The following DNAH10 variants were observed in gnomAD, a reference collection of about 807,000 sequenced individuals.
DNAH10 encodes the protein dynein axonemal heavy chain 10.
In DNAH10, 348 loss-of-function variants were observed where a neutral mutation model predicts 506.6. The observed-to-expected ratio is 0.69, with a 90% CI of 0.63 to 0.75. The LOEUF is 0.75. Ranked by LOEUF, DNAH10 falls within the 30% of genes least tolerant of loss-of-function variation. The pLI, the probability that DNAH10 is intolerant of heterozygous loss-of-function variation, is 0.00. For synonymous variants in DNAH10, 2,059 were observed against 2,198.6 expected, an observed-to-expected ratio of 0.94 and a Z score of 1.78; for missense variants, 5,179 against 5,787.1, an observed-to-expected ratio of 0.89 and a Z score of 3.41.
At chr12:123,860,035 A>T (rs1322658795) in intron 38 of DNAH10, among the ~76,000 whole-genome samples, 2 of 151,756 alleles carry the variant, frequency 1.3e-5, no homozygotes, top group Non-Finnish European at 2.9e-5. Flanking sequence ...CTCTCTAAAA[A>T]AAAAAAAAAA....
In DNAH10 at chr12:123,872,083, A is replaced by T. The variant is rs572880983; in HGVS notation, c.7785+481A>T. Among the ~76,000 whole-genome samples the T allele has an allele frequency of 1.6e-4, 24 of 152,300 alleles. No individual in the cohort carries two copies. The South Asian group carries it at 2.1e-3, about 13-fold the overall frequency. ...GAGGGACCTGCACCAGGGCATGGAC[A>T]CCTGGAGGTGAGTATGATCTGGGGC... is the stretch of plus-strand genomic sequence containing the variant. On this transcript the variant is annotated intron_variant, in intron 45 of 78. Transcript: ENST00000673944.
intron 24 of DNAH10, among the ~76,000 whole-genome samples, chr12:123,826,145 T>G (rs1346794085): frequency 6.6e-6 from 1 of 151,962 alleles, no homozygotes; most frequent in East Asian, 1.9e-4. Flanking sequence ...AATAATAATT[T>G]TTACATTAAA....
In DNAH10 at chr12:123,921,691, G is replaced by GT. The variant is rs35553163; in HGVS notation, c.11507-2032dup. Among the ~76,000 whole-genome samples, 60 of 62,882 alleles carry GT rather than the reference G, an allele frequency of 9.5e-4. 11 individuals carry two copies. Among genetic ancestry groups the GT allele is most frequent in the African/African-American group, 2.4e-3 (39 of 16,498 alleles). The allele number at this position is 62,882 out of a possible 152,430, so 41.3% of individuals were successfully genotyped here. On this transcript the variant is annotated intron_variant, in intron 65 of 78. Coordinates refer to ENST00000673944, the MANE Select transcript of DNAH10 (RefSeq NM_001372106.1). ...CTTGTCCATCTGTCTGTAGCTTGCA[G>GT]TTTTTTTTTTTTTTTTTTTTTTTTT... is the stretch of plus-strand genomic sequence containing the variant.
rs769928540 is a variant in DNAH10, at chr12:123,913,814, C to T, written c.10352+499C>T. Reference sequence around the variant, plus strand: ...ACCAAATAGGGCAACAATTTTGAATCTAGCATCTGTAAGTGTGGTGTAGAA... The same window carrying T: ...ACCAAATAGGGCAACAATTTTGAATTTAGCATCTGTAAGTGTGGTGTAGAA... On this transcript the variant is annotated intron_variant, in intron 60 of 78. Transcript: ENST00000673944. The surrounding 1 kb of genome is among the most constrained non-coding windows in gnomAD (Gnocchi z 5.1). Among the ~76,000 whole-genome samples, 1 of 152,220 alleles carries T rather than the reference C, an allele frequency of 6.6e-6. No individual in the cohort carries two copies. The highest frequency in any genetic ancestry group is 1.5e-5 in the Non-Finnish European group (1 of 68,046).
At position 123,813,588 on chromosome 12, in the gene DNAH10, T is replaced by C. The variant is rs1959027866; in HGVS notation, c.3569T>C (p.Leu1190Pro). ...TCCTGGGTGATTTCGCTTGGAAAAC[T>C]TCTCAATGAGTCAGCAAAAGAGGAG... ...AKSWVISLGKLLNESAKEELY... is the reference protein window; with the variant it reads ...AKSWVISLGKPLNESAKEELY... Residue 1190 changes from leucine (L) to proline (P), a missense_variant, in exon 20 of 79, where the codon CTT becomes CCT. This residue lies in a region of DNAH10 where 4,844 missense variants were observed against 5,430.5 expected (regional missense o/e 0.89). Coordinates refer to ENST00000673944, the MANE Select transcript of DNAH10 (RefSeq NM_001372106.1). 2 of 1,614,216 alleles carry C rather than the reference T, an allele frequency of 1.2e-6. No individual in the cohort carries two copies. The highest frequency in any genetic ancestry group is 2.7e-5 in the African/African-American group (2 of 75,060).
intron 37 of DNAH10, among the ~76,000 whole-genome samples, chr12:123,857,733 TA>T (rs1277364436): frequency 6.6e-6 from 1 of 152,004 alleles, no homozygotes; most frequent in Non-Finnish European, 1.5e-5. Context: ...TCTCAAAAAA[TA>T]AAAGAAAAAA....
chr12:123,930,389 C>T lies in DNAH10; in HGVS notation c.12613-13C>T. On this transcript the variant is annotated splice_polypyrimidine_tract_variant and intron_variant, in intron 72 of 78. Coordinates refer to ENST00000673944, the MANE Select transcript of DNAH10 (RefSeq NM_001372106.1). ...CTGAGCTCCTGGCTGGCTCTCAGGC[C>T]CTCTAATTTCAGGTCATGTATGGAG... 2 of 1,533,942 alleles carry T rather than the reference C, an allele frequency of 1.3e-6. No individual in the cohort carries two copies. The highest frequency in any genetic ancestry group is 8.7e-7 in the Non-Finnish European group (1 of 1,145,984).
chr12:123,901,904 A>G (rs576817929), intron 56 of DNAH10, among the ~76,000 whole-genome samples: 1 of 152,162 alleles, frequency 6.6e-6, no homozygotes, highest in African/African-American at 2.4e-5. Context: ...TAGGTGATCT[A>G]CCTGCCTCGG....
chr12:123,896,148 C>CACAGAGAG (rs1383690518), intron 54 of DNAH10, among the ~76,000 whole-genome samples: 5 of 95,316 alleles, frequency 5.2e-5, no homozygotes, highest in Middle Eastern at 5.4e-3. Context: ...CACACACACA[C>CACAGAGAG]AGAGAGAGAG....
intron 35 of DNAH10, among the ~76,000 whole-genome samples, chr12:123,851,507 A>G (rs1057029035): frequency 6.6e-6 from 1 of 152,152 alleles, no homozygotes; most frequent in Non-Finnish European, 1.5e-5. Flanking sequence ...GGAATAATGT[A>G]AGATGCACAA....
In DNAH10 at chr12:123,887,322, A is replaced by C. The variant is rs1303907283; in HGVS notation, c.8995+9A>C. On this transcript the variant is annotated intron_variant, in intron 52 of 78. Coordinates refer to ENST00000673944, the MANE Select transcript of DNAH10 (RefSeq NM_001372106.1). ...CAACATGCTGACCTCAGGTACAGCC[A>C]AGGCTGGCGCCCGCTGTGGCCAACA... 6.2e-7 allele frequency: 1 copy of C among 1,611,378 alleles called. No homozygotes were observed. Among genetic ancestry groups the C allele is most frequent in the Non-Finnish European group, 8.5e-7 (1 of 1,179,052 alleles).
At position 123,808,824 on chromosome 12, in the gene DNAH10, C is replaced by T. The variant is rs141289407; in HGVS notation, c.3015C>T (p.Ile1005=). The T allele has an allele frequency of 1.2e-6, 2 of 1,614,096 alleles. No homozygotes were observed. Among genetic ancestry groups the T allele is most frequent in the East Asian group, 2.2e-5 (1 of 44,868 alleles). Residue 1005 remains isoleucine (I), a synonymous_variant, in exon 19 of 79, where the codon ATC becomes ATT. Transcript: ENST00000673944. ...ACTTGCAGTCTTTTAATTCTTTGAT[C>T]CTTGGAAATGTCCCTCTGTTCCACA... is the stretch of plus-strand genomic sequence containing the variant. ...LKNLQSFNSL[I]LGNVPLFHTE... is the part of the protein sequence containing the mutation.
intron 65 of DNAH10, among the ~76,000 whole-genome samples, chr12:123,921,961 C>T (rs1278595461): frequency 1.3e-5 from 2 of 151,816 alleles, no homozygotes; most frequent in Non-Finnish European, 2.9e-5. Flanking sequence ...GTGATCTGCC[C>T]ACCCCGGCCT....
chr12:123,930,555 G>A lies in DNAH10; in HGVS notation c.12766G>A (p.Glu4256Lys), dbSNP rs267603365. 2 of 1,604,316 alleles carry A rather than the reference G, an allele frequency of 1.2e-6. No homozygotes were observed. The highest frequency in any genetic ancestry group is 2.2e-5 in the South Asian group (2 of 89,324). ...EVDYKIPVGD[E>K]KEKFVEAIEA... ...GGACTACAAAATCCCTGTTGGTGATGAAAAGGAGAAATTTGTTGGTGAGAT... is the reference window on the plus strand; with the variant it reads ...GGACTACAAAATCCCTGTTGGTGATAAAAAGGAGAAATTTGTTGGTGAGAT... Residue 4256 changes from glutamate to lysine, a missense_variant, in exon 73 of 79, where the codon GAA becomes AAA. Physicochemically the swap from Glu to Lys is moderately conservative, Grantham distance 56. This residue lies in a region of DNAH10 where 4,844 missense variants were observed against 5,430.5 expected (regional missense o/e 0.89). Transcript: ENST00000673944.
intron 30 of DNAH10, 140 bp downstream of exon 30, chr12:123,841,685 A>C: frequency 1.4e-6 from 1 of 732,588 alleles, no homozygotes; most frequent in Non-Finnish European, 2.2e-6. Flanking sequence ...GGACAGATAG[A>C]TGTCTTTATT....
At position 123,845,791 on chromosome 12, in the gene DNAH10, A is replaced by C; in HGVS notation, c.5552A>C (p.Asn1851Thr). 1 of 1,613,986 alleles carries C rather than the reference A, an allele frequency of 6.2e-7. No individual in the cohort carries two copies. Among genetic ancestry groups the C allele is most frequent in the Non-Finnish European group, 8.5e-7 (1 of 1,179,876 alleles). The change falls in exon 31 of 79, where the codon AAC becomes ACC. Residue 1851 changes from asparagine to threonine, a missense_variant. Asn to Thr is a moderately conservative substitution (Grantham distance 65). Transcript: ENST00000673944. ...CGCATCACCATGCCGCTAAGCAAAA[A>C]CGACAGGAAAAAATACAACACTGTT... is the stretch of plus-strand genomic sequence containing the variant. ...VTRITMPLSKNDRKKYNTVLI... is the reference protein window; with the variant it reads ...VTRITMPLSKTDRKKYNTVLI...
At chr12:123,766,107 T>C (rs1002032460) in intron 1 of DNAH10, among the ~76,000 whole-genome samples, 2 of 97,414 alleles carry the variant, frequency 2.1e-5, no homozygotes, top group African/African-American at 7.6e-5. Flanking sequence ...TCTATACATC[T>C]GTCTGTCTAT....
chr12:123,787,725 A>T lies in DNAH10; in HGVS notation c.1422-79A>T. On this transcript the variant is annotated intron_variant, in intron 9 of 78. Transcript: ENST00000673944. The surrounding 1 kb of genome is among the most constrained non-coding windows in gnomAD (Gnocchi z 4.6). Reference sequence around the variant, plus strand: ...CGCCCGGGTCAGAGCTTCACGGGACACTGGCTCCCCAGCCGGGGAGTGCGG... The same window carrying T: ...CGCCCGGGTCAGAGCTTCACGGGACTCTGGCTCCCCAGCCGGGGAGTGCGG... The T allele has an allele frequency of 6.5e-7, 1 of 1,531,148 alleles. No individual in the cohort carries two copies. The highest frequency in any genetic ancestry group is 8.9e-7 in the Non-Finnish European group (1 of 1,126,486). The allele number at this position is 1,531,148 out of a possible 1,614,324, so 94.8% of individuals were successfully genotyped here. A position where few individuals can be genotyped will look rare whatever the true frequency, so the allele number is the denominator to read the frequency against.
At chr12:123,854,591 T>G (rs908509176) in intron 36 of DNAH10, among the ~76,000 whole-genome samples, 3 of 151,766 alleles carry the variant, frequency 2.0e-5, no homozygotes, top group African/African-American at 7.3e-5. Flanking sequence ...GAGAAAGAGG[T>G]AAAAAACAGC....
Sources: gnomAD v4.1 joint callset for allele counts (sites outside exome capture counted in the v4.1 genomes callset) on GRCh38, gnomAD v4.1.1 for gene constraint, gnomAD v4.1.1 regional missense constraint, Gnocchi (gnomAD v3.1) non-coding constraint, MANE v1.5 for transcripts, NCBI Gene and HGNC (gene_info 2026-07-23, HGNC 2026-07-21) for gene names.